Variants in KCNAB2 observed in about 807,000 individuals in gnomAD.
The protein encoded by KCNAB2 is voltage-gated potassium channel subunit beta-2.
A neutral mutation model predicts 63.6 loss-of-function variants in KCNAB2; 29 were observed. The ratio of observed to expected loss-of-function variants is 0.46; its 90% CI spans 0.34 to 0.62. The LOEUF (loss-of-function observed/expected upper bound fraction) is 0.62, where lower values mean the gene tolerates loss of function less well. Ranked by LOEUF, KCNAB2 falls within the 20% of genes least tolerant of loss-of-function variation. The probability of loss-of-function intolerance (pLI) is 0.01; values close to 1 mark genes in which losing one functional copy is unlikely to be tolerated. For missense variants in KCNAB2, 359 were observed against 563.9 expected (o/e 0.64, Z 3.68); for synonymous variants, 222 against 224.2 (o/e 0.99, Z 0.09).
rs1054111288 is a variant in KCNAB2 at position 6,005,732 on chromosome 1, C to T, written c.-53+12944C>T. 8.6e-5 allele frequency among the ~76,000 whole-genome samples: 13 copies of T among 151,890 alleles called. No homozygotes were observed. In the East Asian group the frequency reaches 1.5e-3, roughly 18 times the overall value. The stretch of plus-strand genomic sequence containing the variant: ...TCACTGTGAGGATGCAGGGCCCCCA[C>T]GTGGGGAGACAGGGCACAGCCTCCC... On this transcript the variant is annotated intron_variant, in intron 1 of 16. Coordinates refer to the KCNAB2 transcript ENST00000341524.
chr1:6,065,263 C>T (rs1020690621), intron 2 of KCNAB2, among the ~76,000 whole-genome samples: 1 of 152,248 alleles, frequency 6.6e-6, no homozygotes, highest in African/African-American at 2.4e-5. Flanking sequence ...GCCCAGGCCT[C>T]AGGCCAGTCC....
chr1:5,999,461 G>A (rs1372877400), intron 1 of KCNAB2, among the ~76,000 whole-genome samples: 5 of 152,216 alleles, frequency 3.3e-5, no homozygotes, highest in Admixed American at 1.3e-4. Context: ...GGAAGCACAC[G>A]AGGAAGCTGT....
chr1:6,072,454 G>A lies in KCNAB2; in HGVS notation c.219-301G>A, dbSNP rs190990568. ...ATGGGGGTGAGACCAGTCCAGTTTC[G>A]CCATAAAACAGACAGCGTCCCTGTG... is the stretch of plus-strand genomic sequence containing the variant. On this transcript the variant is annotated intron_variant, in intron 2 of 15. Transcript: ENST00000378083. Among the ~76,000 whole-genome samples, 157 of 152,310 alleles carry A rather than the reference G, an allele frequency of 1.0e-3. 3 individuals are homozygous for A. Among genetic ancestry groups the A allele is most frequent in the Non-Finnish European group, 3.4e-4 (23 of 68,012 alleles).
chr1:6,017,696 C>G (rs994074307), intron 1 of KCNAB2, among the ~76,000 whole-genome samples: 15 of 151,984 alleles, frequency 9.9e-5, no homozygotes, highest in African/African-American at 3.6e-4. Context: ...GAGGCTGAGG[C>G]AGGAGAATTG....
At chr1:6,058,056 T>C (rs1448777012) in intron 2 of KCNAB2, among the ~76,000 whole-genome samples, 3 of 151,934 alleles carry the variant, frequency 2.0e-5, no homozygotes, top group Non-Finnish European at 4.4e-5. Flanking sequence ...GAGGCTGAAG[T>C]GAGGATCACT....
In KCNAB2 at chr1:6,097,541, G is replaced by C. The variant is rs1398358106; in HGVS notation, c.1158+184G>C. The C allele has an allele frequency of 2.9e-6, 3 of 1,046,036 alleles. No homozygotes were observed. The South Asian group carries it at 4.2e-5, about 15-fold the overall frequency. 64.8% of individuals were successfully genotyped at this position (1,046,036 alleles called of 1,614,324 possible). A position where few individuals can be genotyped will look rare whatever the true frequency, so the allele number is the denominator to read the frequency against. Reference sequence around the variant, plus strand: ...GCAGGAACAGACATGAACACTAACTGCACGAAACAAGGAGGTTAGAATGTG... The same window carrying C: ...GCAGGAACAGACATGAACACTAACTCCACGAAACAAGGAGGTTAGAATGTG... On this transcript the variant is annotated intron_variant, in intron 15 of 15. Transcript: ENST00000378083.
At chr1:6,044,155 G>A (rs1660730986), upstream of KCNAB2, among the ~76,000 whole-genome samples, 1 of 152,204 alleles carries the variant, frequency 6.6e-6, no homozygotes, top group East Asian at 1.9e-4. Context: ...CACAGTCAAG[G>A]GGCTGGAAAT....
upstream of KCNAB2, among the ~76,000 whole-genome samples, chr1:6,045,085 C>T (rs936997613): frequency 1.6e-4 from 25 of 152,160 alleles, no homozygotes; most frequent in Non-Finnish European, 2.9e-4. The surrounding 1 kb of genome is among the most constrained non-coding windows in gnomAD (Gnocchi z 4.8). Flanking sequence ...GCTAGTCACC[C>T]GCAGCCAGGC....
At chr1:6,048,710 C>T (rs1156870886) in intron 1 of KCNAB2, among the ~76,000 whole-genome samples, 1 of 152,250 alleles carries the variant, frequency 6.6e-6, no homozygotes, top group South Asian at 2.1e-4. Context: ...CCTGGGGCTA[C>T]AGCCTGCCCA....
rs1342526485 is a variant in KCNAB2, at chr1:6,091,244, A to G, written c.602-19A>G. The G allele has an allele frequency of 1.3e-6, 2 of 1,525,816 alleles. No individual in the cohort carries two copies. The highest frequency in any genetic ancestry group is 2.0e-5 in the Admixed American group (1 of 50,954). 94.5% of individuals were successfully genotyped at this position (1,525,816 alleles called of 1,614,324 possible). A position where few individuals can be genotyped will look rare whatever the true frequency, so the allele number is the denominator to read the frequency against. On this transcript the variant is annotated intron_variant, in intron 9 of 15. Coordinates refer to ENST00000378083, the MANE Select transcript of KCNAB2 (RefSeq NM_001199862.2). ...CAGCTATCAACTCTGGTCTCTTTAA[A>G]TCTTTCTTCTATCACCAGGGGACCC...
At chr1:6,077,758 G>T (rs947890473) in intron 4 of KCNAB2, among the ~76,000 whole-genome samples, 5 of 152,150 alleles carry the variant, frequency 3.3e-5, no homozygotes, top group Non-Finnish European at 7.4e-5. Context: ...TCAGGCTTGC[G>T]GAGCCCCTGC....
In KCNAB2 at chr1:6,089,063, C is replaced by T; in HGVS notation, c.514+12C>T. On this transcript the variant is annotated intron_variant, in intron 8 of 15. Transcript: ENST00000378083. ...GCACATAATCGAAGGTGAGGACGCG[C>T]TCGGGCACCTCAGGGCCCCCATACC... 1 of 1,548,254 alleles carries T rather than the reference C, an allele frequency of 6.5e-7. No homozygotes were observed. Among genetic ancestry groups the T allele is most frequent in the Non-Finnish European group, 8.7e-7 (1 of 1,146,150 alleles).
chr1:5,998,143 C>T (rs760270757), intron 1 of KCNAB2, among the ~76,000 whole-genome samples: 3 of 152,268 alleles, frequency 2.0e-5, no homozygotes, highest in Non-Finnish European at 4.4e-5. Flanking sequence ...GAGGGAGGAC[C>T]AGGCAGGCTG....
At chr1:6,080,614 G>A (rs1448811613) in intron 4 of KCNAB2, among the ~76,000 whole-genome samples, 1 of 152,172 alleles carries the variant, frequency 6.6e-6, no homozygotes, top group Non-Finnish European at 1.5e-5. Context: ...GATGTTTGGG[G>A]ATGAGTGCCA....
At chr1:6,029,781 T>C (rs1433910915), upstream of KCNAB2, among the ~76,000 whole-genome samples, 1 of 152,234 alleles carries the variant, frequency 6.6e-6, no homozygotes, top group African/African-American at 2.4e-5. Context: ...TCCGAACCAC[T>C]GAGTGGGCCT....
chr1:6,089,079 C>G (rs1463242743), intron 8 of KCNAB2, 28 bp downstream of exon 8: 4 of 1,544,892 alleles, frequency 2.6e-6, no homozygotes, highest in Non-Finnish European at 3.5e-6. Context: ...CACCTCAGGG[C>G]CCCCATACCT....
chr1:6,080,141 GC>G (rs1383519696), intron 4 of KCNAB2, among the ~76,000 whole-genome samples: 1 of 152,210 alleles, frequency 6.6e-6, no homozygotes, highest in Non-Finnish European at 1.5e-5. Context: ...GAGCGTGAGT[GC>G]CCTAACCACA....
chr1:5,995,102 C>G (rs1380504724), intron 1 of KCNAB2, among the ~76,000 whole-genome samples: 1 of 152,148 alleles, frequency 6.6e-6, no homozygotes, highest in Non-Finnish European at 1.5e-5. Context: ...GCCAGAGGTC[C>G]CAGAGTGAAT....
At chr1:6,020,035 G>A (rs1423269299) in intron 1 of KCNAB2, among the ~76,000 whole-genome samples, 2 of 152,168 alleles carry the variant, frequency 1.3e-5, no homozygotes, top group Non-Finnish European at 2.9e-5. Flanking sequence ...TTTCCCACAG[G>A]TGGAGGTCTT....
Sources: allele counts gnomAD v4.1 joint callset (sites outside exome capture counted in the v4.1 genomes callset), GRCh38; gene constraint gnomAD v4.1.1; non-coding constraint Gnocchi (gnomAD v3.1); transcripts MANE v1.5; gene names NCBI Gene and HGNC (gene_info 2026-07-23, HGNC 2026-07-21).